TPM4: variants seen among roughly 807,000 people sequenced by gnomAD.
The protein encoded by TPM4 is tropomyosin 4.
Under a neutral mutation model 35.8 loss-of-function variants are expected in TPM4, and 17 were observed. The ratio of observed to expected loss-of-function variants is 0.47; its 90% CI spans 0.32 to 0.71. The LOEUF is 0.71. Among genes scored for constraint, TPM4 ranks in the 30% least tolerant of loss-of-function variants. TPM4 has a pLI of 0.03. For synonymous variants in TPM4, 120 were observed against 122.9 expected, an observed-to-expected ratio of 0.98 and a Z score of 0.15; for missense variants, 240 against 320.9, an observed-to-expected ratio of 0.75 and a Z score of 1.93.
rs1313695386 is a variant in TPM4, at chr19:16,102,375, A to C, written c.*1029A>C. The C allele has an allele frequency of 4.7e-6, 1 of 214,510 alleles. No individual in the cohort carries two copies. Among genetic ancestry groups the C allele is most frequent in the Non-Finnish European group, 9.4e-6 (1 of 105,994 alleles). 13.3% of individuals were successfully genotyped at this position (214,510 alleles called of 1,614,324 possible). ...AAAATAAAGTTGTTCTCTGAAGAGC[A>C]AATGTCTCATTCCAGTAATGACCCA... On this transcript the variant is annotated 3_prime_UTR_variant, in exon 8 of 8. Transcript: ENST00000643579.
upstream of TPM4, among the ~76,000 whole-genome samples, chr19:16,071,923 TGACA>T (rs764719332): frequency 6.6e-6 from 1 of 152,164 alleles, no homozygotes; most frequent in Non-Finnish European, 1.5e-5. Flanking sequence ...GGTAATCCTA[TGACA>T]GATAGGGAAA....
intron 5 of TPM4, among the ~76,000 whole-genome samples, chr19:16,092,273 T>C (rs915565695): frequency 7.2e-5 from 11 of 152,092 alleles, no homozygotes; most frequent in Admixed American, 6.6e-4. Context: ...GGACAGGGAC[T>C]GGGACTCAGG....
At chr19:16,095,756 G>C (rs1001906126) in intron 7 of TPM4, 115 of 253,600 alleles carry the variant, frequency 4.5e-4, no homozygotes, top group African/African-American at 2.6e-3. Context: ...ATTTTTTTTT[G>C]TTTTTTTGTT....
upstream of TPM4, chr19:16,075,479 T>C (rs935921622): frequency 4.6e-5 from 7 of 152,402 alleles, no homozygotes; most frequent in African/African-American, 1.7e-4. Context: ...AATGAGGGAC[T>C]AGGTCTGAGC....
intron 7 of TPM4, among the ~76,000 whole-genome samples, chr19:16,096,563 G>C (rs142026828): frequency 9.3e-4 from 142 of 152,258 alleles, no homozygotes; most frequent in African/African-American, 3.4e-3. Context: ...TCCTTTTCTT[G>C]TGTCTTTTCT....
chr19:16,102,803 C>T lies in TPM4; in HGVS notation c.*1457C>T. The T allele has an allele frequency of 4.3e-6, 1 of 230,848 alleles. No homozygotes were observed. Among genetic ancestry groups the T allele is most frequent in the Admixed American group, 5.7e-5 (1 of 17,650 alleles). 14.3% of individuals were successfully genotyped at this position (230,848 alleles called of 1,614,324 possible). A position where few individuals can be genotyped will look rare whatever the true frequency, so the allele number is the denominator to read the frequency against. ...GTTTACAATTCCAACTAAAAATCAC[C>T]CTGCTTCTGGCTTATCTGAATCCCT... On this transcript the variant is annotated 3_prime_UTR_variant, in exon 8 of 8. Coordinates refer to ENST00000643579, the MANE Select transcript of TPM4 (RefSeq NM_003290.3).
At chr19:16,078,576 C>T (rs1192220703) in intron 1 of TPM4, among the ~76,000 whole-genome samples, 2 of 152,212 alleles carry the variant, frequency 1.3e-5, no homozygotes, top group African/African-American at 2.4e-5. Context: ...TCACACTTAA[C>T]CGACACAGCT....
intron 5 of TPM4, among the ~76,000 whole-genome samples, chr19:16,092,773 C>T (rs995755724): frequency 6.6e-6 from 1 of 152,060 alleles, no homozygotes; most frequent in African/African-American, 2.4e-5. Context: ...TGACCTCAAG[C>T]GATCCACCCG....
chr19:16,091,209 GCCCAGCTAATTTTTGTATTTTTAGTA>G (rs2090622625), intron 5 of TPM4, among the ~76,000 whole-genome samples: 1 of 151,740 alleles, frequency 6.6e-6, no homozygotes, highest in African/African-American at 2.4e-5. Flanking sequence ...CACACACCAC[GCCCAGCTAATTTTTGTATTTTTAGTA>G]GAGACGGAGT....
intron 2 of TPM4, among the ~76,000 whole-genome samples, chr19:16,068,136 CGT>C (rs1330877154): frequency 6.7e-6 from 1 of 149,716 alleles, no homozygotes; most frequent in African/African-American, 2.5e-5. Context: ...TACGTGTGTG[CGT>C]GTTTGCCTCT....
At chr19:16,089,235 G>A (rs147317516) in intron 5 of TPM4, 115 bp downstream of exon 5, 43 of 1,365,498 alleles carry the variant, frequency 3.1e-5, no homozygotes, top group African/African-American at 1.9e-4. Flanking sequence ...TAACAGTAGC[G>A]TTGGTGCCTG....
chr19:16,093,255 G>A, intron 5 of TPM4: 1 of 405,284 alleles, frequency 2.5e-6, no homozygotes, highest in Non-Finnish European at 4.6e-6. Context: ...GAGTGCAGTG[G>A]CGTGATCTCG....
rs1244524980 is a variant in TPM4, at chr19:16,101,743, A to C, written c.*397A>C. 1.3e-5 allele frequency: 3 copies of C among 239,520 alleles called. No homozygotes were observed. Among genetic ancestry groups the C allele is most frequent in the Non-Finnish European group, 2.5e-5 (3 of 121,748 alleles). The allele number at this position is 239,520 out of a possible 1,614,324, so 14.8% of individuals were successfully genotyped here. On this transcript the variant is annotated 3_prime_UTR_variant, in exon 8 of 8. Transcript: ENST00000643579. ...TATAATTAAAACGCTGAAGACCATA[A>C]CCTTTTGGGTCAACTGTTGGTCAAA...
At chr19:16,086,362 G>C (rs1207606772) in intron 2 of TPM4, 61 bp from the exon 3 acceptor site, 1 of 1,425,210 alleles carries the variant, frequency 7.0e-7, no homozygotes, top group Non-Finnish European at 9.9e-7. Flanking sequence ...AGAAAAGATA[G>C]ATGAGAGGTG....
intron 2 of TPM4, chr19:16,068,023 T>A: frequency 2.2e-6 from 1 of 461,350 alleles, no homozygotes; most frequent in Non-Finnish European, 3.9e-6. Context: ...GTGAGCGAGG[T>A]GTCGTTTGCG....
At chr19:16,078,330 G>A (rs2090438711) in intron 1 of TPM4, among the ~76,000 whole-genome samples, 1 of 152,182 alleles carries the variant, frequency 6.6e-6, no homozygotes, top group African/African-American at 2.4e-5. Flanking sequence ...GATAGAGGTT[G>A]AAGCCCAAAA....
At chr19:16,068,633 G>A (rs1044666252) in intron 2 of TPM4, among the ~76,000 whole-genome samples, 9 of 152,182 alleles carry the variant, frequency 5.9e-5, no homozygotes, top group African/African-American at 1.9e-4. Context: ...AAGCATTTCT[G>A]CACATGTCTG....
At chr19:16,074,221 G>C (rs1323195685), upstream of TPM4, 1 of 152,264 alleles carries the variant, frequency 6.6e-6, no homozygotes, top group Non-Finnish European at 1.5e-5. Flanking sequence ...AGCTGGCCTA[G>C]TGTGAGGAAC....
chr19:16,075,919 A>T, upstream of TPM4: 1 of 1,342,984 alleles, frequency 7.4e-7, no homozygotes, highest in Non-Finnish European at 1.0e-6. Flanking sequence ...CCCCTGTTCT[A>T]CAGATAAGGA....
Sources: gnomAD v4.1 joint callset for allele counts (sites outside exome capture counted in the v4.1 genomes callset) on GRCh38, gnomAD v4.1.1 for gene constraint, MANE v1.5 for transcripts, NCBI Gene and HGNC (gene_info 2026-07-23, HGNC 2026-07-21) for gene names.